Variants in RRP12 observed in about 807,000 individuals in gnomAD.
The protein encoded by RRP12 is ribosomal RNA processing 12 homolog.
Under a neutral mutation model 157.3 loss-of-function variants are expected in RRP12, and 78 were observed. The observed-to-expected ratio is 0.50, with a 90% confidence interval of 0.41 to 0.60. The LOEUF (loss-of-function observed/expected upper bound fraction) is 0.60, where lower values mean the gene tolerates loss of function less well. RRP12 is among the 20% of genes least tolerant of loss of function. The probability of loss-of-function intolerance (pLI) is 0.00; values close to 1 mark genes in which losing one functional copy is unlikely to be tolerated. For synonymous variants in RRP12, 726 were observed against 670.9 expected (o/e 1.08, Z -1.27); for missense variants, 1,521 against 1,679.9 (o/e 0.91, Z 1.65).
chr10:97,394,659 G>C (rs1844905581), intron 3 of RRP12, among the ~76,000 whole-genome samples: 1 of 152,096 alleles, frequency 6.6e-6, no homozygotes, highest in Admixed American at 6.5e-5. Context: ...CAAAGTCCTA[G>C]GATTAAAGGC....
chr10:97,388,641 G>A lies in RRP12; in HGVS notation c.754-17C>T, dbSNP rs1844708508. On this transcript the variant is annotated splice_polypyrimidine_tract_variant and intron_variant, in intron 6 of 33. Coordinates refer to ENST00000370992, the MANE Select transcript of RRP12 (RefSeq NM_015179.4). ...CTTCCGGATCTGAGGGGCAAGGAGAGCAGGAGACAAGGCCAGATCAGCGTT... is the reference window on the plus strand; with the variant it reads ...CTTCCGGATCTGAGGGGCAAGGAGAACAGGAGACAAGGCCAGATCAGCGTT... The A allele has an allele frequency of 2.5e-6, 4 of 1,612,500 alleles. No homozygotes were observed. The highest frequency in any genetic ancestry group is 3.4e-6 in the Non-Finnish European group (4 of 1,178,800).
At chr10:97,387,205 T>G (rs1372789327) in intron 8 of RRP12, among the ~76,000 whole-genome samples, 1 of 152,204 alleles carries the variant, frequency 6.6e-6, no homozygotes, top group Non-Finnish European at 1.5e-5. Context: ...ATGTAAATAG[T>G]TGCTACACTC....
intron 2 of RRP12, among the ~76,000 whole-genome samples, chr10:97,396,657 A>AG (rs1205256754): frequency 6.6e-6 from 1 of 152,148 alleles, no homozygotes; most frequent in East Asian, 1.9e-4. Flanking sequence ...GCAGTTATCG[A>AG]GGGGGGGATT....
At position 97,370,760 on chromosome 10, in the gene RRP12, G is replaced by A; in HGVS notation, c.2539C>T (p.Leu847Phe). 1 of 1,614,146 alleles carries A rather than the reference G, an allele frequency of 6.2e-7. No individual in the cohort carries two copies. Among genetic ancestry groups the A allele is most frequent in the Non-Finnish European group, 8.5e-7 (1 of 1,180,016 alleles). Residue 847 changes from leucine to phenylalanine, a missense_variant, in exon 22 of 34, where the codon CTC becomes TTC. Leu to Phe is a conservative substitution (Grantham distance 22). Coordinates refer to ENST00000370992, the MANE Select transcript of RRP12 (RefSeq NM_015179.4). ...ATGAACTCCTTGTGTTCAGCTGAGAGCTTCCTCACGATGTGTAGGAGGCAC... is the reference window on the plus strand; with the variant it reads ...ATGAACTCCTTGTGTTCAGCTGAGAACTTCCTCACGATGTGTAGGAGGCAC... Reference protein sequence around the residue: ...LKCLLHIVRKLSAEHKEFITA... With the variant: ...LKCLLHIVRKFSAEHKEFITA...
At chr10:97,367,276 C>T in intron 25 of RRP12, 144 bp from the exon 26 acceptor site, 1 of 668,674 alleles carries the variant, frequency 1.5e-6, no homozygotes, top group East Asian at 2.7e-5. Context: ...CACACCCTGG[C>T]CCAGTCATGC....
intron 10 of RRP12, among the ~76,000 whole-genome samples, chr10:97,382,552 T>C (rs1049912222): frequency 6.6e-6 from 1 of 152,226 alleles, no homozygotes; most frequent in Non-Finnish European, 1.5e-5. Context: ...TTCCATTTTA[T>C]AGATGAGGAA....
intron 10 of RRP12, among the ~76,000 whole-genome samples, chr10:97,383,469 G>A (rs1844525675): frequency 6.6e-6 from 1 of 152,210 alleles, no homozygotes. Flanking sequence ...ACAGTGTTTG[G>A]CACACGCCTG....
rs771841228 is a variant in RRP12 at position 97,400,458 on chromosome 10, G to C, written c.216C>G (p.Ser72Arg). ...CTTCCATGGGCGTCTCCGGGGCTTC[G>C]CTTTTGCCCAAGCGCAAGGACCCTG... ...LQSGSLRLGK[S>R]EAPETPMEEE... The change falls in exon 2 of 34, where the codon AGC (serine) becomes AGG (arginine). Residue 72 changes from serine to arginine, a missense_variant. Transcript: ENST00000370992. The C allele has an allele frequency of 6.2e-7, 1 of 1,613,974 alleles. No homozygotes were observed. The highest frequency in any genetic ancestry group is 1.3e-5 in the African/African-American group (1 of 74,916).
At chr10:97,365,996 G>C in intron 29 of RRP12, 112 bp downstream of exon 29, 1 of 1,412,672 alleles carries the variant, frequency 7.1e-7, no homozygotes, top group Non-Finnish European at 9.7e-7. Flanking sequence ...GTTTGAGGAA[G>C]CTGCCGAGAG....
chr10:97,401,038 C>T (rs548938788), intron 1 of RRP12, 55 bp downstream of exon 1: 3 of 1,593,830 alleles, frequency 1.9e-6, no homozygotes, highest in South Asian at 1.1e-5. Flanking sequence ...CTCATCTGGA[C>T]CCAGGTCTGC....
chr10:97,392,568 C>G (rs987473622), intron 4 of RRP12, among the ~76,000 whole-genome samples: 37 of 151,808 alleles, frequency 2.4e-4, no homozygotes, highest in African/African-American at 8.5e-4. Context: ...AGGCTGGTCT[C>G]CAACTCCTGG....
At chr10:97,396,885 C>T (rs570971243) in intron 2 of RRP12, among the ~76,000 whole-genome samples, 1 of 152,268 alleles carries the variant, frequency 6.6e-6, no homozygotes, top group Non-Finnish European at 1.5e-5. Context: ...CTGCCTCAGC[C>T]TCCCAAGTAG....
intron 15 of RRP12, 94 bp downstream of exon 15, chr10:97,379,199 G>T (rs1047705109): frequency 2.1e-6 from 3 of 1,415,596 alleles, no homozygotes; most frequent in Non-Finnish European, 2.0e-6. Context: ...TGAAGGCTGG[G>T]TGTGTGGGAC....
chr10:97,381,428 G>A lies in RRP12; in HGVS notation c.1376C>T (p.Ser459Phe), dbSNP rs746419926. The A allele has an allele frequency of 6.2e-7, 1 of 1,613,494 alleles. No homozygotes were observed. The highest frequency in any genetic ancestry group is 1.7e-5 in the Admixed American group (1 of 59,830). Residue 459 changes from serine to phenylalanine, a missense_variant, in exon 12 of 34, where the codon TCC becomes TTC. Physicochemically the swap from Ser to Phe is radical, Grantham distance 155. Coordinates refer to ENST00000370992, the MANE Select transcript of RRP12 (RefSeq NM_015179.4). ...AGATTGGGCAGGGCCTGAGGCCGAG[G>A]AGGTCACGGAGCCAATGTCAGCCAT... ...PHMADIGSVTSSASGPAQSVA... is the reference protein window; with the variant it reads ...PHMADIGSVTFSASGPAQSVA...
intron 4 of RRP12, 38 bp downstream of exon 4, chr10:97,393,646 C>T (rs1421048240): frequency 1.3e-6 from 2 of 1,545,972 alleles, no homozygotes; most frequent in Non-Finnish European, 1.8e-6. Flanking sequence ...CTCCCCTCCA[C>T]AAAAAGCCTT....
At chr10:97,362,714 CGCATCAGAG>C (rs1246799816) in intron 30 of RRP12, among the ~76,000 whole-genome samples, 3 of 152,290 alleles carry the variant, frequency 2.0e-5, no homozygotes, top group East Asian at 3.9e-4. Context: ...AGGGGCTTCC[CGCATCAGAG>C]GCTGCTCAGG....
chr10:97,393,468 T>G (rs1844866571), intron 4 of RRP12: 1 of 688,896 alleles, frequency 1.5e-6, no homozygotes, highest in East Asian at 2.7e-5. Flanking sequence ...ATGATTCTAT[T>G]ACCAGGGGTT....
At chr10:97,357,333 G>C (rs550001338) in intron 33 of RRP12, 137 bp from the exon 34 acceptor site, 2 of 590,624 alleles carry the variant, frequency 3.4e-6, no homozygotes, top group African/African-American at 3.8e-5. Context: ...CATGAACTAG[G>C]CAGACCTCAC....
chr10:97,364,675 C>G (rs1237084344), intron 29 of RRP12, among the ~76,000 whole-genome samples: 2 of 152,214 alleles, frequency 1.3e-5, no homozygotes, highest in African/African-American at 4.8e-5. Flanking sequence ...CGAGATCGAG[C>G]CACTGCACTC....
Sources: allele counts gnomAD v4.1 joint callset (sites outside exome capture counted in the v4.1 genomes callset), GRCh38; gene constraint gnomAD v4.1.1; transcripts MANE v1.5; gene names NCBI Gene and HGNC (gene_info 2026-07-23, HGNC 2026-07-21).